PCCA: variants seen among roughly 807,000 people sequenced by gnomAD.
PCCA encodes propionyl-CoA carboxylase alpha chain, mitochondrial.
In PCCA, 74 loss-of-function variants were observed where a neutral mutation model predicts 101.3. The observed-to-expected ratio is 0.73, with a 90% CI of 0.61 to 0.89. The LOEUF (loss-of-function observed/expected upper bound fraction) is 0.89. Ranked by LOEUF, PCCA falls within the 40% of genes least tolerant of loss-of-function variation. PCCA has a pLI of 0.00. For synonymous variants in PCCA, 294 were observed against 313.6 expected, an observed-to-expected ratio of 0.94 and a Z score of 0.66; for missense variants, 891 against 907.0, an observed-to-expected ratio of 0.98 and a Z score of 0.23.
intron 21 of PCCA, among the ~76,000 whole-genome samples, chr13:100,457,113 A>G (rs1021296892): frequency 2.6e-5 from 4 of 152,146 alleles, no homozygotes; most frequent in African/African-American, 9.7e-5. Flanking sequence ...GGTTATTCCT[A>G]GGTTATATTA....
At position 100,119,477 on chromosome 13, in the gene PCCA, A is replaced by G. The variant is rs1347962961; in HGVS notation, c.300+7416A>G. On this transcript the variant is annotated intron_variant, in intron 4 of 23. Transcript: ENST00000376285. Reference sequence around the variant, plus strand: ...TATCACTCATCTGGGACTAATTTTTATATTAAATTTTTGGCATAAAGATTG... The same window carrying G: ...TATCACTCATCTGGGACTAATTTTTGTATTAAATTTTTGGCATAAAGATTG... 2.0e-5 allele frequency among the ~76,000 whole-genome samples: 3 copies of G among 152,178 alleles called. No homozygotes were observed. In the East Asian group the frequency reaches 5.8e-4, roughly 29 times the overall value.
Position 100,102,922 on chromosome 13 carries a change from C to A in PCCA, c.145C>A (p.Arg49Ser). ...TTCAAGACAGTGCTTAATGGTGTCC[C>A]GTAATCTTGGTTCAGTGGGATATGA... ...YYSRQCLMVSRNLGSVGYDPN... is the reference protein window; with the variant it reads ...YYSRQCLMVSSNLGSVGYDPN... The change falls in exon 2 of 24, where the codon CGT becomes AGT. Residue 49 changes from arginine to serine, a missense_variant. By Grantham distance (110) the Arg-to-Ser change is moderately radical (BLOSUM62 -1). Coordinates refer to ENST00000376285, the MANE Select transcript of PCCA (RefSeq NM_000282.4). The A allele has an allele frequency of 1.9e-6, 3 of 1,611,544 alleles. No homozygotes were observed. The highest frequency in any genetic ancestry group is 1.7e-6 in the Non-Finnish European group (2 of 1,177,892).
intron 6 of PCCA, among the ~76,000 whole-genome samples, chr13:100,169,763 G>A (rs1036738229): frequency 3.3e-5 from 5 of 150,818 alleles, no homozygotes; most frequent in Admixed American, 1.3e-4. Flanking sequence ...GCAATGGTGC[G>A]ATCTCAGTTC....
rs968716882 is a variant in PCCA at position 100,337,941 on chromosome 13, A to G, written c.1541-2216A>G. Among the ~76,000 whole-genome samples the G allele has an allele frequency of 4.6e-5, 7 of 152,242 alleles. 1 individual carries two copies. The highest frequency in any genetic ancestry group is 2.6e-4 in the Admixed American group (4 of 15,288). ...TGTAAAATACTGTGTTTAAAGTGCT[A>G]TGATAATTTGTCTTCCTGCACATGA... On this transcript the variant is annotated intron_variant, in intron 17 of 23. Transcript: ENST00000376285.
chr13:100,435,574 T>G (rs2079869529), intron 20 of PCCA, among the ~76,000 whole-genome samples: 1 of 152,238 alleles, frequency 6.6e-6, no homozygotes, highest in African/African-American at 2.4e-5. Flanking sequence ...AAGTTTAATA[T>G]TACCCATTAA....
intron 12 of PCCA, among the ~76,000 whole-genome samples, chr13:100,283,112 C>G (rs193143304): frequency 4.2e-4 from 64 of 152,250 alleles, no homozygotes; most frequent in African/African-American, 1.3e-3. Flanking sequence ...AGATGTCCTA[C>G]AAGGTCTAGG....
chr13:100,355,106 A>T (rs1040328023), intron 18 of PCCA, among the ~76,000 whole-genome samples: 1 of 152,224 alleles, frequency 6.6e-6, no homozygotes, highest in Non-Finnish European at 1.5e-5. Context: ...AGTGATATAC[A>T]TCATAACCAA....
chr13:100,481,950 C>G (rs905836887), intron 21 of PCCA, among the ~76,000 whole-genome samples: 1 of 152,180 alleles, frequency 6.6e-6, no homozygotes, highest in Non-Finnish European at 1.5e-5. Context: ...ACCATCAATT[C>G]AAAACCATAA....
At chr13:100,395,166 G>A (rs151039532) in intron 19 of PCCA, among the ~76,000 whole-genome samples, 1 of 152,332 alleles carries the variant, frequency 6.6e-6, no homozygotes, top group African/African-American at 2.4e-5. Context: ...AATTTAGACT[G>A]TTCAAGCTTA....
intron 16 of PCCA, among the ~76,000 whole-genome samples, chr13:100,325,575 G>A (rs1345941636): frequency 6.6e-5 from 10 of 152,188 alleles, no homozygotes; most frequent in Admixed American, 5.2e-4. Context: ...TCTTAGTAGG[G>A]AAAAGAAGCA....
intron 21 of PCCA, among the ~76,000 whole-genome samples, chr13:100,513,786 G>A (rs948497984): frequency 3.9e-5 from 6 of 152,208 alleles, no homozygotes; most frequent in South Asian, 2.1e-4. Flanking sequence ...AACAAGGCAC[G>A]TCGTAAGTCA....
chr13:100,268,811 G>A (rs894986833), intron 11 of PCCA, 28 bp downstream of exon 11: 1 of 1,492,090 alleles, frequency 6.7e-7, no homozygotes, highest in African/African-American at 1.4e-5. Context: ...CATTTATAAA[G>A]CGGCTGCTTT....
rs1490362005 is a variant in PCCA at position 100,301,497 on chromosome 13, A to C, written c.1103A>C (p.Asp368Ala). The stretch of plus-strand genomic sequence containing the variant: ...GTCACAGAATGCATTACTGGCCTGG[A>C]CCTAGTCCAGGAAATGATCCGTGTT... The part of the protein sequence containing the change: ...HPVTECITGL[D>A]LVQEMIRVAK... Residue 368 changes from aspartate (D) to alanine (A), a missense_variant, in exon 13 of 24, where the codon GAC becomes GCC. Coordinates refer to ENST00000376285, the MANE Select transcript of PCCA (RefSeq NM_000282.4). The C allele has an allele frequency of 6.2e-7, 1 of 1,613,928 alleles. No individual in the cohort carries two copies. Among genetic ancestry groups the C allele is most frequent in the African/African-American group, 1.3e-5 (1 of 74,896 alleles).
chr13:100,123,116 G>A (rs903625725), intron 4 of PCCA, among the ~76,000 whole-genome samples: 50 of 152,152 alleles, frequency 3.3e-4, no homozygotes, highest in South Asian at 6.2e-4. Flanking sequence ...GAGTGCAATG[G>A]CACCATCTTG....
At chr13:100,445,879 G>T (rs762997385) in intron 20 of PCCA, among the ~76,000 whole-genome samples, 3 of 152,184 alleles carry the variant, frequency 2.0e-5, no homozygotes, top group Non-Finnish European at 4.4e-5. Context: ...GAAACATGGG[G>T]ATGCCAGTAT....
At chr13:100,212,533 C>A (rs1338195960) in intron 7 of PCCA, among the ~76,000 whole-genome samples, 2 of 152,196 alleles carry the variant, frequency 1.3e-5, no homozygotes, top group Non-Finnish European at 1.5e-5. Context: ...AGAATTCACT[C>A]AGATAGCTTT....
At chr13:100,151,376 G>A (rs2053294912) in intron 4 of PCCA, among the ~76,000 whole-genome samples, 1 of 152,146 alleles carries the variant, frequency 6.6e-6, no homozygotes, top group South Asian at 2.1e-4. Context: ...CGGATCACCT[G>A]AGGTCGGGAG....
chr13:100,277,745 C>T (rs913283136), intron 12 of PCCA, among the ~76,000 whole-genome samples: 4 of 152,152 alleles, frequency 2.6e-5, no homozygotes, highest in African/African-American at 7.2e-5. Context: ...GCTTTTTAAC[C>T]ATCTGTATTC....
chr13:100,171,986 C>T (rs1414415428), intron 6 of PCCA, among the ~76,000 whole-genome samples: 1 of 149,884 alleles, frequency 6.7e-6, no homozygotes, highest in Non-Finnish European at 1.5e-5. Context: ...GAGCGGAGTT[C>T]TCGCCACTGC....
Sources: allele counts gnomAD v4.1 joint callset (sites outside exome capture counted in the v4.1 genomes callset), GRCh38; gene constraint gnomAD v4.1.1; transcripts MANE v1.5; gene names NCBI Gene and HGNC (gene_info 2026-07-23, HGNC 2026-07-21).